The following EXOC6 variants were observed in gnomAD, a reference collection of about 807,000 sequenced individuals.
EXOC6 encodes the protein SEC15-like 1.
In EXOC6, 60 loss-of-function variants were observed where a neutral mutation model predicts 112.5. That is an observed-to-expected ratio of 0.53 (90% confidence interval 0.43 to 0.66). EXOC6 has a LOEUF of 0.66. Ranked by LOEUF, EXOC6 falls within the 30% of genes least tolerant of loss-of-function variation. EXOC6 has a pLI of 0.00. For missense variants in EXOC6, 855 were observed against 957.1 expected (o/e 0.89, Z 1.41); for synonymous variants, 295 against 308.0 (o/e 0.96, Z 0.44).
At chr10:92,976,436 G>A (rs1411937680) in intron 18 of EXOC6, among the ~76,000 whole-genome samples, 5 of 152,012 alleles carry the variant, frequency 3.3e-5, no homozygotes, top group African/African-American at 1.2e-4. Flanking sequence ...GGTGCAAGAT[G>A]TGCTTTGTTA....
At chr10:92,925,083 A>G (rs567182812) in intron 8 of EXOC6, among the ~76,000 whole-genome samples, 34 of 152,186 alleles carry the variant, frequency 2.2e-4, no homozygotes, top group Non-Finnish European at 5.9e-5. Context: ...GTATGTCCAC[A>G]TGTTAATGGA....
chr10:92,959,436 G>A (rs1853867043), intron 17 of EXOC6, among the ~76,000 whole-genome samples: 1 of 152,120 alleles, frequency 6.6e-6, no homozygotes, highest in Non-Finnish European at 1.5e-5. Context: ...ATGACCTTGG[G>A]TGGGGCAATG....
intron 1 of EXOC6, among the ~76,000 whole-genome samples, chr10:92,862,441 C>T (rs1019702729): frequency 4.0e-5 from 6 of 151,806 alleles, no homozygotes; most frequent in Non-Finnish European, 5.9e-5. Context: ...TGAATGGGAC[C>T]GGTAGTAGTC....
intron 19 of EXOC6, among the ~76,000 whole-genome samples, chr10:93,012,508 T>C (rs978927086): frequency 6.6e-5 from 10 of 152,312 alleles, no homozygotes; most frequent in African/African-American, 2.4e-4. Context: ...AAAGAAAAAT[T>C]CTGATGCTTA....
intron 20 of EXOC6, among the ~76,000 whole-genome samples, chr10:93,029,765 T>C (rs1177432898): frequency 1.3e-5 from 2 of 152,220 alleles, no homozygotes; most frequent in South Asian, 4.1e-4. Flanking sequence ...TTACCACTCA[T>C]ATTTAAGTTT....
chr10:92,970,501 G>T (rs1001056148), intron 17 of EXOC6, among the ~76,000 whole-genome samples: 1 of 152,212 alleles, frequency 6.6e-6, no homozygotes, highest in Non-Finnish European at 1.5e-5. Context: ...TCTCTTACCA[G>T]AGGATGACTG....
At chr10:92,910,167 G>A (rs1850661678) in intron 6 of EXOC6, among the ~76,000 whole-genome samples, 3 of 152,138 alleles carry the variant, frequency 2.0e-5, no homozygotes, top group Non-Finnish European at 4.4e-5. Context: ...AAAAACATGG[G>A]CTCACGATAG....
At chr10:92,848,365 G>C (rs532450072), upstream of EXOC6, 143 of 280,940 alleles carry the variant, frequency 5.1e-4, no homozygotes, top group Non-Finnish European at 7.0e-4. Context: ...CTGCAGGTGC[G>C]GGGGCGGGAA....
At chr10:92,874,924 T>A (rs1848618497) in intron 1 of EXOC6, among the ~76,000 whole-genome samples, 1 of 152,192 alleles carries the variant, frequency 6.6e-6, no homozygotes, top group Admixed American at 6.6e-5. Context: ...AATTTAAAAT[T>A]CCTGAGAGTG....
chr10:92,935,585 A>G (rs1852294497), intron 11 of EXOC6, among the ~76,000 whole-genome samples: 1 of 152,148 alleles, frequency 6.6e-6, no homozygotes, highest in South Asian at 2.1e-4. Flanking sequence ...TAAAATCTAA[A>G]AACTTTTGAA....
intron 5 of EXOC6, among the ~76,000 whole-genome samples, chr10:92,907,775 C>T (rs897016185): frequency 5.3e-5 from 8 of 152,034 alleles, no homozygotes; most frequent in African/African-American, 1.9e-4. Context: ...ATACATAATT[C>T]ATTATTTCAC....
intron 1 of EXOC6, among the ~76,000 whole-genome samples, chr10:92,851,719 G>A (rs1458668021): frequency 2.0e-5 from 3 of 151,324 alleles, no homozygotes; most frequent in African/African-American, 7.3e-5. Flanking sequence ...ACAAAAAAAC[G>A]GGAGTGAGAG....
chr10:92,851,423 A>G (rs1319336924), intron 1 of EXOC6, among the ~76,000 whole-genome samples: 1 of 152,182 alleles, frequency 6.6e-6, no homozygotes, highest in Non-Finnish European at 1.5e-5. Flanking sequence ...AGGCAGGCAG[A>G]TCACTTGAGG....
intron 1 of EXOC6, among the ~76,000 whole-genome samples, chr10:92,863,963 C>G (rs901035026): frequency 1.3e-5 from 2 of 149,844 alleles, no homozygotes; most frequent in African/African-American, 4.9e-5. Context: ...AAAAAAAACC[C>G]AAAAAATTAG....
At position 93,047,902 on chromosome 10, in the gene EXOC6, C is replaced by T. The variant is rs534715509; in HGVS notation, c.2170-9022C>T. Among the ~76,000 whole-genome samples, 226 of 152,170 alleles carry T rather than the reference C, an allele frequency of 1.5e-3. 1 individual carries two copies. Among genetic ancestry groups the T allele is most frequent in the Middle Eastern group, 6.8e-3 (2 of 294 alleles). ...CGGAGGTTGCAGTGAGCCAAGATCA[C>T]GCCACTGCACTCCAGCCTGGTGGAC... On this transcript the variant is annotated intron_variant, in intron 20 of 21. Transcript: ENST00000260762.
chr10:92,977,722 A>G (rs551029568), intron 18 of EXOC6, among the ~76,000 whole-genome samples: 22 of 152,182 alleles, frequency 1.4e-4, no homozygotes, highest in African/African-American at 4.8e-4. Context: ...ATGTTTTAAT[A>G]TCTGTGTCAT....
At chr10:92,830,344 A>C (rs186543147), upstream of EXOC6, among the ~76,000 whole-genome samples, 18 of 152,244 alleles carry the variant, frequency 1.2e-4, no homozygotes, top group Non-Finnish European at 2.4e-4. Flanking sequence ...AACTTACTTA[A>C]AAAAAGGTTA....
At position 93,058,799 on chromosome 10, in the gene EXOC6, C is replaced by T. The variant is rs1846659368; in HGVS notation, c.*444C>T. On this transcript the variant is annotated 3_prime_UTR_variant, in exon 22 of 22. Transcript: ENST00000260762. The stretch of plus-strand genomic sequence containing the variant: ...TTCTGACTTTTAGCTTTTATTTTCA[C>T]CTCAATGTGATTTAAGCAGACCAAA... 1 of 152,156 alleles carries T rather than the reference C, an allele frequency of 6.6e-6. No individual in the cohort carries two copies. Among genetic ancestry groups the T allele is most frequent in the Non-Finnish European group, 1.5e-5 (1 of 68,098 alleles). The allele number at this position is 152,156 out of a possible 1,614,324, so 9.4% of individuals were successfully genotyped here. A position where few individuals can be genotyped will look rare whatever the true frequency, so the allele number is the denominator to read the frequency against.
At chr10:92,955,821 T>G in intron 17 of EXOC6, 107 bp downstream of exon 17, 5 of 1,026,468 alleles carry the variant, frequency 4.9e-6, no homozygotes, top group Non-Finnish European at 6.9e-6. Context: ...TCCTAAAAAT[T>G]AAGAATAGAG....
Sources: gnomAD v4.1 joint callset for allele counts (sites outside exome capture counted in the v4.1 genomes callset) on GRCh38, gnomAD v4.1.1 for gene constraint, MANE v1.5 for transcripts, NCBI Gene and HGNC (gene_info 2026-07-23, HGNC 2026-07-21) for gene names.